Variants in BNC2 observed in about 807,000 individuals in gnomAD.
BNC2 encodes zinc finger protein basonuclin-2.
In BNC2, 20 loss-of-function variants were observed where a neutral mutation model predicts 76.3. The ratio of observed to expected loss-of-function variants is 0.26; its 90% CI spans 0.18 to 0.38. The LOEUF (loss-of-function observed/expected upper bound fraction) is 0.38. Ranked by LOEUF, BNC2 falls within the 10% of genes least tolerant of loss-of-function variation. BNC2 has a pLI of 1.00. For missense variants in BNC2, 1,382 were observed against 1,399.8 expected (o/e 0.99, Z 0.20); for synonymous variants, 582 against 514.8 (o/e 1.13, Z -1.77).
chr9:16,666,653 C>T (rs926314529), intron 3 of BNC2, among the ~76,000 whole-genome samples: 6 of 152,226 alleles, frequency 3.9e-5, no homozygotes, highest in Non-Finnish European at 8.8e-5. Flanking sequence ...TGGAGCTAAA[C>T]ACTTCAACAC....
At chr9:16,473,563 CCTGA>C (rs1259037421) in intron 5 of BNC2, among the ~76,000 whole-genome samples, 2 of 152,304 alleles carry the variant, frequency 1.3e-5, no homozygotes, top group Middle Eastern at 6.8e-3. Context: ...AAATTCCATT[CCTGA>C]CTATCTCATG....
chr9:16,658,082 G>A (rs562221813), intron 3 of BNC2, among the ~76,000 whole-genome samples: 3 of 152,268 alleles, frequency 2.0e-5, no homozygotes, highest in East Asian at 1.9e-4. Context: ...GAGGTAGAAG[G>A]AGATCCTAAT....
intron 5 of BNC2, among the ~76,000 whole-genome samples, chr9:16,464,755 T>C (rs1017695469): frequency 3.3e-5 from 5 of 152,146 alleles, no homozygotes; most frequent in Non-Finnish European, 5.9e-5. Context: ...GGTAACTATA[T>C]CATTATATGA....
At chr9:16,532,552 G>C (rs923612156) in intron 5 of BNC2, among the ~76,000 whole-genome samples, 1 of 152,148 alleles carries the variant, frequency 6.6e-6, no homozygotes, top group Non-Finnish European at 1.5e-5. Flanking sequence ...CAGCCTATGA[G>C]AGCTGATTGC....
chr9:16,564,647 G>C (rs1819118172), intron 4 of BNC2, among the ~76,000 whole-genome samples: 1 of 152,158 alleles, frequency 6.6e-6, no homozygotes, highest in South Asian at 2.1e-4. Context: ...GTGAAAGGTA[G>C]AACTGGGAAA....
At chr9:16,869,115 C>G (rs1042299128) in intron 1 of BNC2, among the ~76,000 whole-genome samples, 1 of 152,076 alleles carries the variant, frequency 6.6e-6, no homozygotes, top group Non-Finnish European at 1.5e-5. Flanking sequence ...GTGTAAAACG[C>G]CCGTTAGAAG....
rs183814760 is a variant in BNC2 at position 16,865,817 on chromosome 9, G to A, written c.3+4829C>T. 5.3e-5 allele frequency among the ~76,000 whole-genome samples: 8 copies of A among 152,186 alleles called. No individual in the cohort carries two copies. In the South Asian group the frequency reaches 6.2e-4, roughly 12 times the overall value. ...ATTGAGTTAGAATATAGGTTCTTAC[G>A]CATTGAGTTAGAATATGGGTTCGTA... On this transcript the variant is annotated intron_variant, in intron 1 of 6. Coordinates refer to ENST00000380672, the MANE Select transcript of BNC2 (RefSeq NM_017637.6).
intron 5 of BNC2, among the ~76,000 whole-genome samples, chr9:16,455,168 C>T (rs1057514182): frequency 2.0e-5 from 3 of 152,140 alleles, no homozygotes; most frequent in Admixed American, 6.6e-5. Flanking sequence ...AATGGTGAAA[C>T]TGAATATTAG....
chr9:16,790,724 G>A (rs1389692755), intron 1 of BNC2, among the ~76,000 whole-genome samples: 2 of 150,570 alleles, frequency 1.3e-5, no homozygotes, highest in Non-Finnish European at 2.9e-5. Flanking sequence ...CTTCATAACT[G>A]ACTTTGATAA....
chr9:16,810,831 G>C (rs139727104), intron 1 of BNC2, among the ~76,000 whole-genome samples: 201 of 152,300 alleles, frequency 1.3e-3, no homozygotes, highest in African/African-American at 4.6e-3. Context: ...CCAGTTGCTA[G>C]ATCATCCTTC....
chr9:16,631,594 C>G lies in BNC2; in HGVS notation c.331-48509G>C, dbSNP rs139438385. Among the ~76,000 whole-genome samples, 58 of 152,310 alleles carry G rather than the reference C, an allele frequency of 3.8e-4. No homozygotes were observed. The East Asian group carries it at 0.011, about 29-fold the overall frequency. On this transcript the variant is annotated intron_variant, in intron 3 of 6. Coordinates refer to ENST00000380672, the MANE Select transcript of BNC2 (RefSeq NM_017637.6). ...AAAGAAGCATTCAAAGTTTTTCATT[C>G]TGCAACTGAGAGGGCTGGTATGAAC...
chr9:16,790,666 T>G (rs1368627673), intron 1 of BNC2, among the ~76,000 whole-genome samples: 2 of 152,208 alleles, frequency 1.3e-5, no homozygotes, highest in South Asian at 2.1e-4. Context: ...TGATTTTTTT[T>G]GCCAGCATCT....
chr9:16,558,792 G>T (rs28648047), intron 4 of BNC2, among the ~76,000 whole-genome samples: 1 of 151,822 alleles, frequency 6.6e-6, no homozygotes, highest in Non-Finnish European at 1.5e-5. Flanking sequence ...GTCCAGGCAC[G>T]GTGGCGCGCA....
At chr9:16,677,578 A>AACACAAACACACACACACACACAC (rs1822687644) in intron 3 of BNC2, among the ~76,000 whole-genome samples, 1 of 139,256 alleles carries the variant, frequency 7.2e-6, no homozygotes. Context: ...GTCTCAAACA[A>AACACAAACACACACACACACACAC]ACACACACAC....
chr9:16,802,597 G>C (rs975499395), intron 1 of BNC2, among the ~76,000 whole-genome samples: 2 of 152,186 alleles, frequency 1.3e-5, no homozygotes, highest in Non-Finnish European at 2.9e-5. Flanking sequence ...AACTCCTAGA[G>C]TAGAGACAAC....
At chr9:16,604,105 C>T (rs762151070) in intron 3 of BNC2, among the ~76,000 whole-genome samples, 7 of 152,140 alleles carry the variant, frequency 4.6e-5, no homozygotes, top group Middle Eastern at 3.2e-3. Flanking sequence ...CAATTCTCTT[C>T]GTATTGTTCT....
chr9:16,667,719 T>C (rs576361294), intron 3 of BNC2, among the ~76,000 whole-genome samples: 1 of 152,298 alleles, frequency 6.6e-6, no homozygotes, highest in East Asian at 1.9e-4. Flanking sequence ...AAGAAAGGTA[T>C]AGTTCAAGTT....
In BNC2 at chr9:16,418,664, C is replaced by CTGTGTGTGTG. The variant is rs139823578; in HGVS notation, c.*315_*324dup. On this transcript the variant is annotated 3_prime_UTR_variant, in exon 7 of 7. Coordinates refer to ENST00000380672, the MANE Select transcript of BNC2 (RefSeq NM_017637.6). Reference sequence around the variant, plus strand: ...TGTCAAAACTGGGGCTAGTTGCACACTGTGTGTGTGTGTGTGTGTGTGTGT... The same window carrying CTGTGTGTGTG: ...TGTCAAAACTGGGGCTAGTTGCACACTGTGTGTGTGTGTGTGTGTGTGTGTGTGTGTGTGT... The CTGTGTGTGTG allele has an allele frequency of 3.0e-4, 64 of 214,858 alleles. No homozygotes were observed. Among genetic ancestry groups the CTGTGTGTGTG allele is most frequent in the East Asian group, 2.7e-3 (21 of 7,780 alleles). 13.3% of individuals were successfully genotyped at this position (214,858 alleles called of 1,614,324 possible).
At chr9:16,598,393 A>C (rs2133262825) in intron 3 of BNC2, among the ~76,000 whole-genome samples, 1 of 152,350 alleles carries the variant, frequency 6.6e-6, no homozygotes. Context: ...CTTTCTAAAA[A>C]TAGAAACTAT....
Sources: allele counts gnomAD v4.1 joint callset (sites outside exome capture counted in the v4.1 genomes callset), GRCh38; gene constraint gnomAD v4.1.1; transcripts MANE v1.5; gene names NCBI Gene and HGNC (gene_info 2026-07-23, HGNC 2026-07-21).